Variants in STK38 observed in about 807,000 individuals in gnomAD.
The protein encoded by STK38 is serine/threonine kinase 38.
STK38 carries 26 observed loss-of-function variants against 59.0 expected under a neutral mutation model. The ratio of observed to expected loss-of-function variants is 0.44; its 90% CI spans 0.32 to 0.61. The LOEUF is 0.61. STK38 is among the 20% of genes least tolerant of loss of function. The pLI, the probability that STK38 is intolerant of heterozygous loss-of-function variation, is 0.04. For missense variants in STK38, 433 were observed against 566.0 expected, an observed-to-expected ratio of 0.76 and a Z score of 2.38; for synonymous variants, 175 against 176.6, an observed-to-expected ratio of 0.99 and a Z score of 0.07.
In STK38 at chr6:36,496,892, G is replaced by A. The variant is rs1776718174; in HGVS notation, c.1173-87C>T. ...AGTCTTTCTCCAAAAAAGACCCCTG[G>A]TCTGACATGAGAAGACTCTTCACTG... On this transcript the variant is annotated intron_variant, in intron 12 of 13. Transcript: ENST00000229812. The A allele has an allele frequency of 7.4e-6, 7 of 952,022 alleles. No homozygotes were observed. The South Asian group carries it at 7.8e-5, about 11-fold the overall frequency. 59.0% of individuals were successfully genotyped at this position (952,022 alleles called of 1,614,324 possible).
intron 7 of STK38, among the ~76,000 whole-genome samples, chr6:36,512,020 C>T (rs1777123022): frequency 6.6e-6 from 1 of 152,186 alleles, no homozygotes; most frequent in Non-Finnish European, 1.5e-5. Flanking sequence ...GATCACATCA[C>T]TGCACTCCAG....
chr6:36,497,866 A>G lies in STK38; in HGVS notation c.1086T>C (p.Cys362=). Reference sequence around the variant, plus strand: ...GAGCTCCAATTCTATGTTCCCATTCACAGCAGAACCTGGAAAAGACAGAGG... The same window carrying G: ...GAGCTCCAATTCTATGTTCCCATTCGCAGCAGAACCTGGAAAAGACAGAGG... ...KAKDLILRFC[C]EWEHRIGAPG... The change falls in exon 12 of 14, where the codon TGT becomes TGC. Residue 362 remains cysteine (C), a synonymous_variant. Coordinates refer to ENST00000229812, the MANE Select transcript of STK38 (RefSeq NM_007271.4). 6.2e-7 allele frequency: 1 copy of G among 1,611,234 alleles called. No homozygotes were observed. The highest frequency in any genetic ancestry group is 8.5e-7 in the Non-Finnish European group (1 of 1,179,274).
intron 1 of STK38, among the ~76,000 whole-genome samples, chr6:36,546,075 G>A (rs1561997423): frequency 6.6e-6 from 1 of 152,142 alleles, no homozygotes; most frequent in African/African-American, 2.4e-5. Flanking sequence ...TATTGCTTAA[G>A]TCGCATGTCT....
At chr6:36,542,850 A>G (rs12211528) in intron 1 of STK38, among the ~76,000 whole-genome samples, 41,893 of 149,034 alleles carry the variant, frequency 0.28, 6,725 homozygotes, top group African/African-American at 0.45. Context: ...GGAGGCTGAG[A>G]CAGGAGAATC....
intron 2 of STK38, among the ~76,000 whole-genome samples, chr6:36,532,307 CATAAA>C (rs1777683908): frequency 1.9e-5 from 2 of 103,556 alleles, no homozygotes; most frequent in Non-Finnish European, 1.9e-5. Flanking sequence ...ACCTTGTCTG[CATAAA>C]AAAAAAAAAA....
intron 2 of STK38, among the ~76,000 whole-genome samples, chr6:36,533,493 C>A (rs1777718334): frequency 6.6e-6 from 1 of 152,212 alleles, no homozygotes. Context: ...CTCACTGCTT[C>A]TGGAACCACT....
chr6:36,503,713 C>G (rs556815279), intron 9 of STK38, among the ~76,000 whole-genome samples: 11 of 152,256 alleles, frequency 7.2e-5, no homozygotes, highest in Admixed American at 3.3e-4. Context: ...AAAAGAACTC[C>G]TTCAAGATAC....
chr6:36,504,605 T>C (rs946580175), intron 9 of STK38, among the ~76,000 whole-genome samples: 2 of 152,102 alleles, frequency 1.3e-5, no homozygotes, highest in African/African-American at 4.8e-5. Context: ...CCATTTCTAC[T>C]GTATATAGTA....
chr6:36,538,197 G>A (rs911970768), intron 2 of STK38, among the ~76,000 whole-genome samples: 3 of 151,920 alleles, frequency 2.0e-5, no homozygotes, highest in Non-Finnish European at 2.9e-5. Flanking sequence ...CCAGCTACTC[G>A]GGAGGCTAAG....
rs147740307 is a variant in STK38 at position 36,501,186 on chromosome 6, C to G, written c.835-1196G>C. ...CCAGACTGGTCTTTAACTCCTGGCT[C>G]AAGTGATCCTCCCACCTCAGCCTCC... is the stretch of plus-strand genomic sequence containing the variant. On this transcript the variant is annotated intron_variant, in intron 9 of 13. Transcript: ENST00000229812. Among the ~76,000 whole-genome samples the G allele has an allele frequency of 3.3e-4, 50 of 152,260 alleles. No individual in the cohort carries two copies. The East Asian group carries it at 9.1e-3, about 28-fold the overall frequency.
rs1460434640 is a variant in STK38, at chr6:36,496,693, C to T, written c.1267+18G>A. 2.5e-6 allele frequency: 4 copies of T among 1,585,924 alleles called. No individual in the cohort carries two copies. Among genetic ancestry groups the T allele is most frequent in the Admixed American group, 1.7e-5 (1 of 59,632 alleles). ...AATGTGCTTATAAGGCAGCAGGAGA[C>T]AATGCTGGTGGTGTTACCTGTTGGC... On this transcript the variant is annotated intron_variant, in intron 13 of 13. Transcript: ENST00000229812.
chr6:36,513,708 A>G (rs1450794916), intron 7 of STK38, among the ~76,000 whole-genome samples: 7 of 151,838 alleles, frequency 4.6e-5, no homozygotes, highest in Non-Finnish European at 8.8e-5. Context: ...ACTTCTGCAC[A>G]TTATAATGAA....
chr6:36,506,571 G>A lies in STK38; in HGVS notation c.834+12C>T, dbSNP rs752075999. 2.5e-6 allele frequency: 4 copies of A among 1,611,336 alleles called. No individual in the cohort carries two copies. Among genetic ancestry groups the A allele is most frequent in the Non-Finnish European group, 3.4e-6 (4 of 1,179,260 alleles). On this transcript the variant is annotated intron_variant, in intron 9 of 13. Transcript: ENST00000229812. Reference sequence around the variant, plus strand: ...GGTTTGTAGCATTTCAGAAGCCACAGATATTACTTACTAGCTGACGTCTAT... The same window carrying A: ...GGTTTGTAGCATTTCAGAAGCCACAAATATTACTTACTAGCTGACGTCTAT...
chr6:36,539,193 C>T (rs1777872019), intron 2 of STK38, among the ~76,000 whole-genome samples: 1 of 151,864 alleles, frequency 6.6e-6, no homozygotes, highest in South Asian at 2.1e-4. Flanking sequence ...CAAGACCAGC[C>T]TGGCCAACAT....
chr6:36,509,315 G>T (rs1348267458), intron 7 of STK38, among the ~76,000 whole-genome samples: 1 of 152,160 alleles, frequency 6.6e-6, no homozygotes, highest in Non-Finnish European at 1.5e-5. Flanking sequence ...GTGCAGAAAA[G>T]ACCCAGAGTG....
intron 9 of STK38, among the ~76,000 whole-genome samples, chr6:36,501,171 C>A (rs1776828863): frequency 6.6e-6 from 1 of 151,940 alleles, no homozygotes; most frequent in African/African-American, 2.4e-5. Flanking sequence ...CCAGACTGGT[C>A]TTTAACTCCT....
At chr6:36,530,691 CT>C (rs760949624) in intron 2 of STK38, among the ~76,000 whole-genome samples, 1,671 of 122,576 alleles carry the variant, frequency 0.014, 27 homozygotes, top group African/African-American at 0.046. Context: ...CTTTTCTTTT[CT>C]TTTTTTTTTT....
intron 12 of STK38, among the ~76,000 whole-genome samples, chr6:36,497,389 C>T (rs1449143520): frequency 5.3e-5 from 8 of 152,242 alleles, no homozygotes; most frequent in Non-Finnish European, 1.0e-4. Context: ...TCCACTTCCA[C>T]CCCTCCAATC....
At chr6:36,530,605 T>C (rs1341831856) in intron 2 of STK38, among the ~76,000 whole-genome samples, 1 of 151,880 alleles carries the variant, frequency 6.6e-6, no homozygotes, top group Admixed American at 6.6e-5. Context: ...CCTCAAGTGA[T>C]CCACCCACCT....
Sources: gnomAD v4.1 joint callset for allele counts (sites outside exome capture counted in the v4.1 genomes callset) on GRCh38, gnomAD v4.1.1 for gene constraint, MANE v1.5 for transcripts, NCBI Gene and HGNC (gene_info 2026-07-23, HGNC 2026-07-21) for gene names.